Variants in DMD observed in about 807,000 individuals in gnomAD.
DMD encodes mutant dystrophin.
DMD carries 63 observed loss-of-function variants against 330.1 expected under a neutral mutation model. The observed-to-expected ratio is 0.19, with a 90% CI of 0.16 to 0.24. The LOEUF is 0.24. Among genes scored for constraint, DMD ranks in the 10% least tolerant of loss-of-function variants. The probability of loss-of-function intolerance (pLI) is 1.00; values close to 1 mark genes in which losing one functional copy is unlikely to be tolerated. For synonymous variants in DMD, 1,223 were observed against 959.8 expected, an observed-to-expected ratio of 1.27 and a Z score of -5.07; for missense variants, 3,344 against 2,684.1, an observed-to-expected ratio of 1.25 and a Z score of -5.43.
chrX:33,320,163 G>A (rs146982352), intron 1 of DMD, among the ~76,000 whole-genome samples: 8 of 111,622 alleles, frequency 7.2e-5, no homozygotes, highest in African/African-American at 2.3e-4. Flanking sequence ...TGAATTAAGC[G>A]TTAACAAAGA....
At chrX:31,766,873 T>TTGTGTGTG (rs756777827) in intron 51 of DMD, among the ~76,000 whole-genome samples, 73 of 101,026 alleles carry the variant, frequency 7.2e-4, no homozygotes, top group African/African-American at 1.1e-3. Context: ...AAATATGATT[T>TTGTGTGTG]TGTGTGTGTG....
intron 44 of DMD, among the ~76,000 whole-genome samples, chrX:32,192,111 C>T (rs1315042836): frequency 1.8e-5 from 2 of 111,873 alleles, no homozygotes; most frequent in African/African-American, 6.5e-5. Flanking sequence ...TATCAGGAAG[C>T]AAAATTGCAC....
At chrX:32,121,620 CAT>C (rs10535803) in intron 44 of DMD, among the ~76,000 whole-genome samples, 3,570 of 35,930 alleles carry the variant, frequency 0.099, 95 homozygotes, top group Admixed American at 0.13. Flanking sequence ...AATATGTGTG[CAT>C]ATATATATAT....
At chrX:32,747,335 T>C (rs1000067473) in intron 7 of DMD, among the ~76,000 whole-genome samples, 1 of 112,274 alleles carries the variant, frequency 8.9e-6, no homozygotes, top group Admixed American at 9.4e-5. Context: ...AGGGCAAAGC[T>C]ACTCAAACTT....
intron 1 of DMD, among the ~76,000 whole-genome samples, chrX:33,036,092 A>G (rs980633208): frequency 9.0e-6 from 1 of 110,698 alleles, no homozygotes; most frequent in African/African-American, 3.3e-5. Flanking sequence ...ATAGATTGTA[A>G]TTAGTATGAT....
intron 55 of DMD, among the ~76,000 whole-genome samples, chrX:31,522,359 C>CTATATATATATATATA (rs1163138588): frequency 4.1e-4 from 22 of 53,971 alleles, no homozygotes; most frequent in Non-Finnish European, 6.4e-4. Flanking sequence ...CTCTCTCTCT[C>CTATATATATATATATA]TCTCTATATA....
At chrX:33,052,370 T>G (rs1411324835) in intron 1 of DMD, among the ~76,000 whole-genome samples, 2 of 112,107 alleles carry the variant, frequency 1.8e-5, no homozygotes, top group Admixed American at 9.5e-5. Context: ...GAGAATGACT[T>G]TTTTTCTCCC....
At chrX:31,737,852 A>G (rs1251808876) in intron 51 of DMD, among the ~76,000 whole-genome samples, 1 of 112,040 alleles carries the variant, frequency 8.9e-6, no homozygotes, top group Non-Finnish European at 1.9e-5. Flanking sequence ...GAATGAGAAG[A>G]GCATTATAAG....
At chrX:31,894,253 A>C (rs1032801829) in intron 47 of DMD, among the ~76,000 whole-genome samples, 7 of 112,181 alleles carry the variant, frequency 6.2e-5, no homozygotes, top group Non-Finnish European at 1.3e-4. Flanking sequence ...TATTTACAGG[A>C]TTTAAACGTC....
At chrX:31,344,315 T>G (rs922921021) in intron 61 of DMD, among the ~76,000 whole-genome samples, 1 of 111,660 alleles carries the variant, frequency 9.0e-6, no homozygotes, top group East Asian at 2.8e-4. Flanking sequence ...TGTAAAGGTA[T>G]AAAAAGGATA....
At chrX:31,287,238 T>C (rs938758182) in intron 62 of DMD, among the ~76,000 whole-genome samples, 4 of 112,063 alleles carry the variant, frequency 3.6e-5, no homozygotes, top group Non-Finnish European at 7.5e-5. Context: ...CACATAAGAA[T>C]ATTATAGGAG....
intron 56 of DMD, among the ~76,000 whole-genome samples, chrX:31,498,068 T>C (rs1262173146): frequency 8.9e-6 from 1 of 112,065 alleles, no homozygotes; most frequent in Non-Finnish European, 1.9e-5. Flanking sequence ...TGAAATTAAA[T>C]TGTTCCAAAC....
chrX:31,659,762 C>G (rs910697912), intron 53 of DMD, among the ~76,000 whole-genome samples: 7 of 108,481 alleles, frequency 6.5e-5, no homozygotes, highest in African/African-American at 2.4e-4. Flanking sequence ...ACAGTAATCA[C>G]TGTAAAAAGA....
intron 7 of DMD, among the ~76,000 whole-genome samples, chrX:32,766,808 T>G (rs949867048): frequency 1.3e-4 from 15 of 111,846 alleles, no homozygotes; most frequent in Non-Finnish European, 2.6e-4. Flanking sequence ...GTGATAGATA[T>G]GTTAACTAGC....
chrX:33,280,933 A>G (rs945854133), intron 1 of DMD, among the ~76,000 whole-genome samples: 1 of 111,602 alleles, frequency 9.0e-6, no homozygotes, highest in African/African-American at 3.3e-5. Flanking sequence ...CATTCTATAC[A>G]TCCTATATAA....
At chrX:31,761,025 A>T (rs1227834344) in intron 51 of DMD, among the ~76,000 whole-genome samples, 1 of 97,972 alleles carries the variant, frequency 1.0e-5, no homozygotes, top group African/African-American at 3.9e-5. Flanking sequence ...AGCTGGGACC[A>T]CAGGCACCCA....
chrX:32,727,144 A>C (rs776836740), intron 7 of DMD, among the ~76,000 whole-genome samples: 1 of 111,471 alleles, frequency 9.0e-6, no homozygotes, highest in East Asian at 2.8e-4. Context: ...CTAGCAAAAA[A>C]AAGATCTGCT....
intron 44 of DMD, among the ~76,000 whole-genome samples, chrX:32,104,917 T>C (rs73219211): frequency 0.031 from 3,499 of 111,741 alleles, 57 homozygotes; most frequent in Non-Finnish European, 0.048. Context: ...TCTTGAAAAA[T>C]TCAGCAACTA....
intron 1 of DMD, among the ~76,000 whole-genome samples, chrX:33,118,457 G>A (rs1308177134): frequency 1.8e-5 from 2 of 111,743 alleles, no homozygotes; most frequent in Non-Finnish European, 3.8e-5. Flanking sequence ...AGTCTGAATA[G>A]TAATTGGTTA....
Sources: gnomAD v4.1 joint callset for allele counts (sites outside exome capture counted in the v4.1 genomes callset) on GRCh38, gnomAD v4.1.1 for gene constraint, MANE v1.5 for transcripts, NCBI Gene and HGNC (gene_info 2026-07-23, HGNC 2026-07-21) for gene names.